Variants in MUC12 observed in about 807,000 individuals in gnomAD.
MUC12 encodes the protein mucin 12, cell surface associated.
In MUC12, 172 loss-of-function variants were observed where a neutral mutation model predicts 230.8. That is an observed-to-expected ratio of 0.75 (90% confidence interval 0.66 to 0.85). The LOEUF (loss-of-function observed/expected upper bound fraction) is 0.85. MUC12 is among the 40% of genes least tolerant of loss of function. MUC12 has a pLI of 0.00. For synonymous variants in MUC12, 1,259 were observed against 2,401.9 expected (o/e 0.52, Z 13.91); for missense variants, 3,506 against 5,920.6 (o/e 0.59, Z 13.38).
At chr7:100,987,580 T>C (rs1437172794) in intron 1 of MUC12, among the ~76,000 whole-genome samples, 1 of 151,844 alleles carries the variant, frequency 6.6e-6, no homozygotes, top group African/African-American at 2.4e-5. Flanking sequence ...CTTGTGGGAG[T>C]TGTTTGGATA....
At chr7:100,988,596 G>A (rs1793230899) in intron 1 of MUC12, among the ~76,000 whole-genome samples, 1 of 152,188 alleles carries the variant, frequency 6.6e-6, no homozygotes. Context: ...AATGCATCTG[G>A]AGAGAAAGGA....
In MUC12 at chr7:101,003,199, C is replaced by G. The variant is rs1320707061; in HGVS notation, c.12636C>G (p.Val4212=). 1 of 1,151,926 alleles carries G rather than the reference C, an allele frequency of 8.7e-7. No homozygotes were observed. The highest frequency in any genetic ancestry group is 1.2e-6 in the Non-Finnish European group (1 of 849,092). 71.4% of individuals were successfully genotyped at this position (1,151,926 alleles called of 1,614,324 possible). ...LSPASTTSSG[V]SEESTTSHSR... ...CTGCCAGCACGACAAGCTCAGGCGT[C>G]AGTGAAGAATCCACCACCTCCCACA... Residue 4212 remains valine (V), a synonymous_variant, in exon 2 of 12, where the codon GTC becomes GTG. Transcript: ENST00000536621.
chr7:100,984,093 G>A (rs566169332), intron 1 of MUC12, among the ~76,000 whole-genome samples: 5 of 152,240 alleles, frequency 3.3e-5, no homozygotes, highest in African/African-American at 1.2e-4. Context: ...AGTGTTACCA[G>A]ATGGCACCAT....
At chr7:101,012,534 T>A in intron 6 of MUC12, 87 bp downstream of exon 6, 1 of 1,400,888 alleles carries the variant, frequency 7.1e-7, no homozygotes, top group South Asian at 1.4e-5. Context: ...TTCTTTCTTC[T>A]GGTACTCCCA....
intron 1 of MUC12, chr7:100,972,049 A>C: frequency 1.4e-6 from 1 of 702,370 alleles, no homozygotes; most frequent in Non-Finnish European, 2.6e-6. Context: ...AGGCCAGGCA[A>C]GTAGGGCCAC....
rs963941953 is a variant in MUC12 at position 101,009,266 on chromosome 7, CAG to C, written c.15251+112_15251+113del. On this transcript the variant is annotated intron_variant, in intron 5 of 11. Coordinates refer to ENST00000536621, the MANE Select transcript of MUC12 (RefSeq NM_001164462.2). ...GCTAGAATATCAATACTGGTTGGGT[CAG>C]AGAGTCCTGCAGCCGCTAGGGAACA... 6.0e-6 allele frequency: 7 copies of C among 1,171,526 alleles called. No homozygotes were observed. The African/African-American group carries it at 1.1e-4, about 18-fold the overall frequency. 72.6% of individuals were successfully genotyped at this position (1,171,526 alleles called of 1,614,324 possible). A position where few individuals can be genotyped will look rare whatever the true frequency, so the allele number is the denominator to read the frequency against.
rs1454176679 is a variant in MUC12, at chr7:101,018,590, C to G, written c.15967-5C>G. 6 of 1,536,178 alleles carry G rather than the reference C, an allele frequency of 3.9e-6. No individual in the cohort carries two copies. The highest frequency in any genetic ancestry group is 5.2e-6 in the Non-Finnish European group (6 of 1,146,318). ...TGGCCTCACCTCTTCTCTCCCGTCC[C>G]CCAGCTCCACATCCAGAGGCCGGAG... On this transcript the variant is annotated splice_region_variant and splice_polypyrimidine_tract_variant and intron_variant, in intron 11 of 11. Coordinates refer to ENST00000536621, the MANE Select transcript of MUC12 (RefSeq NM_001164462.2).
chr7:100,969,839 A>G (rs189329470), intron 1 of MUC12, 150 bp downstream of exon 1: 14 of 1,193,104 alleles, frequency 1.2e-5, no homozygotes, highest in South Asian at 5.8e-5. Context: ...CTGTGACCTC[A>G]TCTTGCTTTG....
At position 100,988,582 on chromosome 7, in the gene MUC12, T is replaced by C. The variant is rs77326780; in HGVS notation, c.68-2049T>C. ...AATAGAGGTGGCTAGCTCTTGTGTA[T>C]GTAAATGCATCTGGAGAGAAAGGAC... On this transcript the variant is annotated intron_variant, in intron 1 of 11. Coordinates refer to ENST00000536621, the MANE Select transcript of MUC12 (RefSeq NM_001164462.2). 1.6e-3 allele frequency among the ~76,000 whole-genome samples: 249 copies of C among 152,314 alleles called. 5 individuals carry two copies. In the East Asian group the frequency reaches 0.029, roughly 18 times the overall value.
rs1234472074 is a variant in MUC12 at position 101,014,100 on chromosome 7, G to T, written c.15800+26G>T. ...GTGAGCTTGTGAGGCCAGCACCGCAGGCCCACACAGAGGGGACAGATCCTG... is the reference window on the plus strand; with the variant it reads ...GTGAGCTTGTGAGGCCAGCACCGCATGCCCACACAGAGGGGACAGATCCTG... On this transcript the variant is annotated intron_variant, in intron 9 of 11. Transcript: ENST00000536621. 23 of 1,509,884 alleles carry T rather than the reference G, an allele frequency of 1.5e-5. No individual in the cohort carries two copies. In the East Asian group the frequency reaches 5.7e-4, roughly 37 times the overall value. The allele number at this position is 1,509,884 out of a possible 1,614,324, so 93.5% of individuals were successfully genotyped here.
In MUC12 at chr7:101,006,457, C is replaced by T; in HGVS notation, c.14957-14C>T. On this transcript the variant is annotated splice_polypyrimidine_tract_variant and intron_variant, in intron 2 of 11. Transcript: ENST00000536621. ...GCTCCCACGGTGACTGCTGTGGATT[C>T]TATCTCTCCACAGGGTTGTGCCAGG... 2.0e-6 allele frequency: 3 copies of T among 1,522,218 alleles called. No individual in the cohort carries two copies. In the South Asian group the frequency reaches 3.6e-5, roughly 18 times the overall value. The allele number at this position is 1,522,218 out of a possible 1,614,324, so 94.3% of individuals were successfully genotyped here.
intron 5 of MUC12, among the ~76,000 whole-genome samples, chr7:101,009,378 G>A (rs946558282): frequency 6.6e-5 from 10 of 152,064 alleles, no homozygotes; most frequent in African/African-American, 2.2e-4. Flanking sequence ...CTGGGTGCTG[G>A]GAACACAGTA....
chr7:100,976,900 A>G (rs560206023), intron 1 of MUC12, among the ~76,000 whole-genome samples: 5 of 151,888 alleles, frequency 3.3e-5, no homozygotes, highest in African/African-American at 1.2e-4. Flanking sequence ...AAAGTACAAA[A>G]ATTAACTGGG....
In MUC12 at chr7:101,008,650, C is replaced by T. The variant is rs1562793381; in HGVS notation, c.15075C>T (p.Leu5025=). ...ESFPVETPEK[L]NATLGMTVKV... is the part of the protein sequence containing the mutation. Reference sequence around the variant, plus strand: ...TTCCCACAGAAACCCCGGAAAAACTCAACGCCACTTTAGGTATGACAGTGA... The same window carrying T: ...TTCCCACAGAAACCCCGGAAAAACTTAACGCCACTTTAGGTATGACAGTGA... Residue 5025 remains leucine, a synonymous_variant, in exon 4 of 12, where the codon CTC becomes CTT. Transcript: ENST00000536621. 1.0e-5 allele frequency: 16 copies of T among 1,537,126 alleles called. No individual in the cohort carries two copies. Among genetic ancestry groups the T allele is most frequent in the Non-Finnish European group, 1.4e-5 (16 of 1,146,886 alleles).
chr7:100,986,545 AC>A (rs1419092857), intron 1 of MUC12, among the ~76,000 whole-genome samples: 1 of 152,190 alleles, frequency 6.6e-6, no homozygotes, highest in African/African-American at 2.4e-5. Context: ...TTTCACCTGA[AC>A]TGCACTGATC....
intron 1 of MUC12, among the ~76,000 whole-genome samples, chr7:100,973,412 GT>G (rs1372506655): frequency 1.4e-4 from 1 of 7,004 alleles, no homozygotes. Context: ...TCTAGGATGG[GT>G]CCAGTGCCAT....
At chr7:100,972,452 T>C (rs1792926280) in intron 1 of MUC12, among the ~76,000 whole-genome samples, 1 of 152,240 alleles carries the variant, frequency 6.6e-6, no homozygotes, top group Admixed American at 6.5e-5. Flanking sequence ...GAATGGATTC[T>C]GGGTCCTTGG....
intron 5 of MUC12, among the ~76,000 whole-genome samples, chr7:101,011,123 C>T (rs1262920732): frequency 6.6e-6 from 1 of 152,038 alleles, no homozygotes; most frequent in Non-Finnish European, 1.5e-5. Context: ...CTAGCCAGAG[C>T]CCCCAGTGGA....
Position 101,004,462 on chromosome 7 carries a change from C to T in MUC12, c.13899C>T (p.Ser4633=), listed in dbSNP as rs1270425746. The change falls in exon 2 of 12, where the codon TCC becomes TCT. Residue 4633 remains serine, a synonymous_variant. Coordinates refer to ENST00000536621, the MANE Select transcript of MUC12 (RefSeq NM_001164462.2). ...GTCGTAGTGAAGAATCAAGAACTTC[C>T]CACAGCAGCACAACACACACAATAT... ...ASGRSEESRT[S]HSSTTHTISS... is the part of the protein sequence containing the mutation. 6.5e-7 allele frequency: 1 copy of T among 1,529,568 alleles called. No individual in the cohort carries two copies. Among genetic ancestry groups the T allele is most frequent in the Non-Finnish European group, 8.7e-7 (1 of 1,144,980 alleles). 94.7% of individuals were successfully genotyped at this position (1,529,568 alleles called of 1,614,324 possible). A position where few individuals can be genotyped will look rare whatever the true frequency, so the allele number is the denominator to read the frequency against.
Sources: gnomAD v4.1 joint callset for allele counts (sites outside exome capture counted in the v4.1 genomes callset) on GRCh38, gnomAD v4.1.1 for gene constraint, MANE v1.5 for transcripts, NCBI Gene and HGNC (gene_info 2026-07-23, HGNC 2026-07-21) for gene names.